SLC24A3: variants seen among roughly 807,000 people sequenced by gnomAD.
SLC24A3 encodes the protein sodium/potassium/calcium exchanger 3.
SLC24A3 carries 28 observed loss-of-function variants against 75.8 expected under a neutral mutation model. The ratio of observed to expected loss-of-function variants is 0.37; its 90% CI spans 0.27 to 0.51. The LOEUF is 0.51. Among genes scored for constraint, SLC24A3 ranks in the 20% least tolerant of loss-of-function variants. The pLI, the probability that SLC24A3 is intolerant of heterozygous loss-of-function variation, is 0.94. For missense variants in SLC24A3, 663 were observed against 847.8 expected, an observed-to-expected ratio of 0.78 and a Z score of 2.71; for synonymous variants, 372 against 334.1, an observed-to-expected ratio of 1.11 and a Z score of -1.24.
intron 3 of SLC24A3, among the ~76,000 whole-genome samples, chr20:19,518,317 G>A (rs1487862433): frequency 6.6e-6 from 1 of 152,214 alleles, no homozygotes; most frequent in African/African-American, 2.4e-5. Flanking sequence ...CCTTCTAGAT[G>A]CTCAGGACAT....
intron 3 of SLC24A3, among the ~76,000 whole-genome samples, chr20:19,550,963 G>A (rs543612147): frequency 3.3e-5 from 5 of 152,348 alleles, no homozygotes; most frequent in African/African-American, 1.2e-4. Context: ...AAGAGGATGA[G>A]AACGTAAGGC....
intron 15 of SLC24A3, among the ~76,000 whole-genome samples, chr20:19,713,083 G>C (rs933966142): frequency 6.6e-5 from 10 of 152,146 alleles, no homozygotes; most frequent in Non-Finnish European, 1.5e-4. Context: ...ACAATTTTGT[G>C]GTGGGAATTT....
chr20:19,579,069 G>GC (rs2031181497), intron 3 of SLC24A3, among the ~76,000 whole-genome samples: 1 of 152,236 alleles, frequency 6.6e-6, no homozygotes, highest in Non-Finnish European at 1.5e-5. Context: ...TGAAACAATG[G>GC]CCACAGCTAA....
intron 3 of SLC24A3, among the ~76,000 whole-genome samples, chr20:19,572,904 T>G (rs1023985324): frequency 1.4e-4 from 22 of 152,196 alleles, no homozygotes; most frequent in African/African-American, 2.4e-5. Context: ...AAAAAACTTT[T>G]ATATTCCAAG....
Position 19,303,103 on chromosome 20 carries a change from A to G in SLC24A3, c.271+22016A>G, listed in dbSNP as rs550528022. 4.6e-5 allele frequency among the ~76,000 whole-genome samples: 7 copies of G among 152,002 alleles called. No homozygotes were observed. The South Asian group carries it at 1.5e-3, about 32-fold the overall frequency. ...GGGGGTTTTGTGTATAGATTATTTC[A>G]TCACCCAGGTAATAAGCATAGTACC... is the stretch of plus-strand genomic sequence containing the variant. On this transcript the variant is annotated intron_variant, in intron 2 of 16. Coordinates refer to ENST00000328041, the MANE Select transcript of SLC24A3 (RefSeq NM_020689.4).
chr20:19,563,248 C>G (rs563561154), intron 3 of SLC24A3, among the ~76,000 whole-genome samples: 182 of 152,200 alleles, frequency 1.2e-3, no homozygotes, highest in Non-Finnish European at 2.2e-3. Context: ...TCCCCGCCAG[C>G]TGAGATTTTA....
chr20:19,713,799 C>A (rs2033014748), intron 15 of SLC24A3, among the ~76,000 whole-genome samples: 1 of 152,136 alleles, frequency 6.6e-6, no homozygotes, highest in South Asian at 2.1e-4. Flanking sequence ...ACCAACAAAG[C>A]AGGAACTGTA....
chr20:19,343,461 A>G (rs906615858), intron 2 of SLC24A3, among the ~76,000 whole-genome samples: 1 of 148,980 alleles, frequency 6.7e-6, no homozygotes, highest in Non-Finnish European at 1.5e-5. Flanking sequence ...CCTGGAGCAT[A>G]GTGAGTGCTT....
intron 2 of SLC24A3, among the ~76,000 whole-genome samples, chr20:19,298,940 C>T (rs1021593253): frequency 3.9e-5 from 6 of 152,182 alleles, no homozygotes; most frequent in Non-Finnish European, 8.8e-5. Flanking sequence ...TGCCTTGGCA[C>T]GTCCAGCCTG....
At chr20:19,354,588 A>ATGTGTGTGTG (rs569362767) in intron 2 of SLC24A3, among the ~76,000 whole-genome samples, 4 of 136,296 alleles carry the variant, frequency 2.9e-5, no homozygotes, top group African/African-American at 1.3e-4. Context: ...AAATTTGTGT[A>ATGTGTGTGTG]TGTGTGTGTG....
chr20:19,660,104 T>C (rs1484645899), intron 7 of SLC24A3, among the ~76,000 whole-genome samples: 1 of 152,140 alleles, frequency 6.6e-6, no homozygotes, highest in Non-Finnish European at 1.5e-5. Context: ...AATTAACCTC[T>C]TCTCTCTCCA....
Position 19,681,932 on chromosome 20 carries a change from A to G in SLC24A3, c.842A>G (p.Asn281Ser), listed in dbSNP as rs756993620. The change falls in exon 10 of 17, where the codon AAC becomes AGC. Residue 281 changes from asparagine (N) to serine (S), a missense_variant. Around this residue, in one of 2 missense-constraint regions of SLC24A3, gnomAD observed 510 missense variants for 703.6 expected, o/e 0.72. Transcript: ENST00000328041. ...GAGNMVNGLA[N>S]NAEIDDSSNC... ...GGGAACATGGTCAACGGATTGGCCA[A>G]CAATGCTGAAATTGATGACAGCAGC... 1 of 1,614,250 alleles carries G rather than the reference A, an allele frequency of 6.2e-7. No homozygotes were observed. Among genetic ancestry groups the G allele is most frequent in the Non-Finnish European group, 8.5e-7 (1 of 1,180,036 alleles).
chr20:19,534,988 AT>A (rs896484477), intron 3 of SLC24A3, among the ~76,000 whole-genome samples: 58 of 152,346 alleles, frequency 3.8e-4, no homozygotes, highest in Admixed American at 3.4e-3. Context: ...AACTTTAAAT[AT>A]GCTAATTTGG....
Position 19,414,638 on chromosome 20 carries a change from A to G in SLC24A3, c.272-100850A>G, listed in dbSNP as rs956786761. ...ATTCTTACATCAGTTATCTCAGGAC[A>G]ATGCAATTACAAGGAACTATTATTT... is the stretch of plus-strand genomic sequence containing the variant. On this transcript the variant is annotated intron_variant, in intron 2 of 16. Coordinates refer to ENST00000328041, the MANE Select transcript of SLC24A3 (RefSeq NM_020689.4). 2.1e-4 allele frequency among the ~76,000 whole-genome samples: 32 copies of G among 152,254 alleles called. 1 individual carries two copies. The highest frequency in any genetic ancestry group is 1.0e-4 in the Non-Finnish European group (7 of 68,048).
intron 2 of SLC24A3, among the ~76,000 whole-genome samples, chr20:19,425,528 G>A (rs971150582): frequency 2.0e-5 from 3 of 152,232 alleles, no homozygotes; most frequent in African/African-American, 7.2e-5. Context: ...CCACATGGGA[G>A]AGGTGGTGGC....
chr20:19,291,296 G>T (rs1033549), intron 2 of SLC24A3, among the ~76,000 whole-genome samples: 72,049 of 152,092 alleles, frequency 0.47, 18,319 homozygotes, highest in African/African-American at 0.64. Flanking sequence ...CCAGGCCTGA[G>T]GAGTTTCTCA....
At chr20:19,678,914 G>A (rs887228863) in intron 9 of SLC24A3, among the ~76,000 whole-genome samples, 7 of 151,720 alleles carry the variant, frequency 4.6e-5, no homozygotes, top group Non-Finnish European at 8.8e-5. Flanking sequence ...GGAGCGGCGG[G>A]GCAAAGGCGC....
intron 2 of SLC24A3, among the ~76,000 whole-genome samples, chr20:19,394,368 C>T (rs1986416409): frequency 1.3e-5 from 2 of 152,048 alleles, no homozygotes; most frequent in African/African-American, 4.8e-5. Context: ...GGACTGCATC[C>T]AAATGAAAAA....
At chr20:19,506,806 C>T (rs1988468533) in intron 2 of SLC24A3, among the ~76,000 whole-genome samples, 1 of 152,126 alleles carries the variant, frequency 6.6e-6, no homozygotes, top group South Asian at 2.1e-4. Flanking sequence ...AGTATGGTAT[C>T]CAGCAGATGG....
Sources: allele counts gnomAD v4.1 joint callset (sites outside exome capture counted in the v4.1 genomes callset), GRCh38; gene constraint gnomAD v4.1.1; regional missense constraint gnomAD v4.1.1; transcripts MANE v1.5; gene names NCBI Gene and HGNC (gene_info 2026-07-23, HGNC 2026-07-21).